The following FTO variants were observed in gnomAD, a reference collection of about 807,000 sequenced individuals.
The protein encoded by FTO is FTO alpha-ketoglutarate dependent dioxygenase, also known as alpha-ketoglutarate-dependent dioxygenase FTO.
Under a neutral mutation model 63.9 loss-of-function variants are expected in FTO, and 47 were observed. The ratio of observed to expected loss-of-function variants is 0.74; its 90% CI spans 0.58 to 0.94. The LOEUF (loss-of-function observed/expected upper bound fraction) is 0.94, where lower values mean the gene tolerates loss of function less well. Ranked by LOEUF, FTO falls within the 40% of genes least tolerant of loss-of-function variation. The pLI is 0.00. For missense variants in FTO, 562 were observed against 618.1 expected (o/e 0.91, Z 0.96); for synonymous variants, 207 against 224.4 (o/e 0.92, Z 0.69).
chr16:53,832,855 T>C (rs62033429), intron 3 of FTO, among the ~76,000 whole-genome samples: 69,755 of 152,046 alleles, frequency 0.46, 16,536 homozygotes, highest in East Asian at 0.58. Context: ...TCTCCTTCCC[T>C]CATTTCCTGG....
At chr16:54,108,177 C>T (rs1208448799) in intron 8 of FTO, among the ~76,000 whole-genome samples, 3 of 152,116 alleles carry the variant, frequency 2.0e-5, no homozygotes, top group South Asian at 2.1e-4. Flanking sequence ...TCACACATTT[C>T]GTAAGACAAT....
chr16:53,992,080 G>A (rs982305296), intron 8 of FTO: 3 of 152,172 alleles, frequency 2.0e-5, no homozygotes, highest in Non-Finnish European at 4.4e-5. Context: ...GTTTGTAAAC[G>A]TGGGCATAAG....
chr16:53,718,926 G>T (rs1297845904), intron 1 of FTO, among the ~76,000 whole-genome samples: 1 of 152,132 alleles, frequency 6.6e-6, no homozygotes, highest in African/African-American at 2.4e-5. Flanking sequence ...TACTCCAGGG[G>T]TTGAGGGTAT....
intron 8 of FTO, among the ~76,000 whole-genome samples, chr16:54,023,914 A>G (rs921387375): frequency 1.8e-4 from 27 of 152,140 alleles, no homozygotes; most frequent in African/African-American, 6.5e-4. Flanking sequence ...GAAATTTTGT[A>G]TCATGCTTTT....
At chr16:53,891,909 A>G (rs1403131238) in intron 7 of FTO, among the ~76,000 whole-genome samples, 2 of 152,138 alleles carry the variant, frequency 1.3e-5, no homozygotes, top group East Asian at 3.9e-4. Flanking sequence ...TTGGCGTGTC[A>G]TTTCTAAGTG....
At chr16:54,015,270 A>AAAGTAT (rs1362636220) in intron 8 of FTO, among the ~76,000 whole-genome samples, 1 of 152,210 alleles carries the variant, frequency 6.6e-6, no homozygotes, top group East Asian at 1.9e-4. Flanking sequence ...TGTTTCATGT[A>AAAGTAT]AAGTATTAAA....
At position 53,781,781 on chromosome 16, in the gene FTO, C is replaced by G. The variant is rs2077595087; in HGVS notation, c.46-28359C>G. Among the ~76,000 whole-genome samples the G allele has an allele frequency of 2.7e-5, 4 of 150,032 alleles. No individual in the cohort carries two copies. The South Asian group carries it at 8.4e-4, about 32-fold the overall frequency. On this transcript the variant is annotated intron_variant, in intron 1 of 8. Transcript: ENST00000471389. ...TCTGTGGGGGCTTCACTGATGCATT[C>G]TTTTTAACAGCCCTGTTTGTTTGTT...
chr16:53,854,527 C>T (rs7202620), intron 4 of FTO, among the ~76,000 whole-genome samples: 29,726 of 152,048 alleles, frequency 0.2, 3,990 homozygotes, highest in East Asian at 0.63. Context: ...ATCCAATGTT[C>T]CCGCACTGTT....
intron 8 of FTO, chr16:54,071,085 C>A (rs1332620491): frequency 1.3e-5 from 2 of 152,248 alleles, no homozygotes; most frequent in African/African-American, 4.8e-5. Flanking sequence ...AGCTCAGTCT[C>A]ATGGCAGCCA....
intron 7 of FTO, among the ~76,000 whole-genome samples, chr16:53,901,748 A>G (rs867613319): frequency 6.6e-6 from 1 of 152,042 alleles, no homozygotes; most frequent in Non-Finnish European, 1.5e-5. Context: ...CTAGACCCTC[A>G]TGTTTTCCCT....
chr16:54,079,757 C>G (rs945671923), intron 8 of FTO, among the ~76,000 whole-genome samples: 2 of 152,168 alleles, frequency 1.3e-5, no homozygotes, highest in Admixed American at 1.3e-4. Flanking sequence ...AGGAGGCAGT[C>G]GCGACTCGGC....
At chr16:53,954,494 A>G (rs1237280942) in intron 8 of FTO, among the ~76,000 whole-genome samples, 2 of 152,148 alleles carry the variant, frequency 1.3e-5, no homozygotes, top group African/African-American at 4.8e-5. Context: ...TTAAACATAT[A>G]CCAATCAATG....
At chr16:54,100,479 A>G (rs1343582039) in intron 8 of FTO, among the ~76,000 whole-genome samples, 1 of 151,908 alleles carries the variant, frequency 6.6e-6, no homozygotes, top group Non-Finnish European at 1.5e-5. Context: ...CAGCCTCCCA[A>G]CTAGCTAGGA....
chr16:54,066,505 G>A (rs895723902), intron 8 of FTO, among the ~76,000 whole-genome samples: 1 of 152,150 alleles, frequency 6.6e-6, no homozygotes, highest in Non-Finnish European at 1.5e-5. Context: ...CTGCAGTTCC[G>A]GGGAAAATCC....
At chr16:54,109,633 C>T (rs2086831994) in intron 8 of FTO, among the ~76,000 whole-genome samples, 1 of 152,180 alleles carries the variant, frequency 6.6e-6, no homozygotes, top group African/African-American at 2.4e-5. Flanking sequence ...ACGCCTGGCC[C>T]CAGCCAGTCC....
chr16:53,815,508 G>A (rs1421892376), intron 2 of FTO, among the ~76,000 whole-genome samples: 1 of 151,880 alleles, frequency 6.6e-6, no homozygotes, highest in Non-Finnish European at 1.5e-5. Flanking sequence ...CGTTCCTCAT[G>A]CCCTCCCCAG....
At chr16:53,856,373 G>GTTTTAA (rs879753687) in intron 4 of FTO, among the ~76,000 whole-genome samples, 32,655 of 149,374 alleles carry the variant, frequency 0.22, 4,187 homozygotes, top group East Asian at 0.6. Context: ...TTTTTTGGGG[G>GTTTTAA]GGGATATTTA....
chr16:54,111,890 G>T lies in FTO; in HGVS notation c.1493G>T (p.Gly498Val). ...DLTDIVSELR[G>V]QLLEAKP ...ACAGACATCGTTTCAGAACTCAGAG[G>T]TCAGCTTCTGGAAGCAAAACCCTAG... The change falls in exon 9 of 9, where the codon GGT (glycine) becomes GTT (valine). Residue 498 changes from glycine (G) to valine (V), a missense_variant. Transcript: ENST00000471389. 1 of 1,614,120 alleles carries T rather than the reference G, an allele frequency of 6.2e-7. No homozygotes were observed. The highest frequency in any genetic ancestry group is 2.2e-5 in the East Asian group (1 of 44,886).
intron 6 of FTO, 65 bp from the exon 7 acceptor site, chr16:53,888,767 G>A (rs1019343169): frequency 6.4e-7 from 1 of 1,572,908 alleles, no homozygotes. Flanking sequence ...AAGAGACGAA[G>A]TCATTGTCCT....
Sources: gnomAD v4.1 joint callset for allele counts (sites outside exome capture counted in the v4.1 genomes callset) on GRCh38, gnomAD v4.1.1 for gene constraint, MANE v1.5 for transcripts, NCBI Gene and HGNC (gene_info 2026-07-23, HGNC 2026-07-21) for gene names.